The following PTPRU variants were observed in gnomAD, a reference collection of about 807,000 sequenced individuals.
PTPRU encodes the protein receptor-type tyrosine-protein phosphatase U.
PTPRU carries 69 observed loss-of-function variants against 166.3 expected under a neutral mutation model. The ratio of observed to expected loss-of-function variants is 0.41; its 90% CI spans 0.34 to 0.51. The LOEUF (loss-of-function observed/expected upper bound fraction) is 0.51, where lower values mean the gene tolerates loss of function less well. PTPRU is among the 20% of genes least tolerant of loss of function. PTPRU has a pLI of 0.09. For synonymous variants in PTPRU, 793 were observed against 814.0 expected (o/e 0.97, Z 0.44); for missense variants, 1,657 against 2,013.7 (o/e 0.82, Z 3.39).
chr1:29,271,110 C>T lies in PTPRU; in HGVS notation c.1145-4338C>T, dbSNP rs768153703. On this transcript the variant is annotated intron_variant, in intron 7 of 29. Coordinates refer to ENST00000373779, the MANE Select transcript of PTPRU (RefSeq NM_133178.4). This position sits in a 1 kb window ranked among gnomAD's most constrained non-coding sequence, Gnocchi z 4.4. ...TCTTGTTTAGCCTTACTAAAGTCAA[C>T]ACATGGTGGCCTAATTCAACAGCTG... 6.6e-6 allele frequency among the ~76,000 whole-genome samples: 1 copy of T among 152,232 alleles called. No homozygotes were observed. The highest frequency in any genetic ancestry group is 1.5e-5 in the Non-Finnish European group (1 of 68,044).
chr1:29,259,600 T>TTGTTTGGGGGGGGGGGGGGGGGG, intron 5 of PTPRU, 36 bp downstream of exon 5: 1 of 253,696 alleles, frequency 3.9e-6, no homozygotes, highest in Non-Finnish European at 7.7e-6. Flanking sequence ...GGGGGCGGGG[T>TTGTTTGGGGGGGGGGGGGGGGGG]GGGAGGGGGT....
Position 29,316,137 on chromosome 1 carries a change from C to T in PTPRU, c.3499C>T (p.Arg1167Trp), listed in dbSNP as rs761647543. Residue 1167 changes from arginine to tryptophan, a missense_variant, in exon 24 of 30, where the codon CGG (arginine) becomes TGG (tryptophan). Around this residue, in one of 3 missense-constraint regions of PTPRU, gnomAD observed 1,190 missense variants for 1,477.4 expected, o/e 0.81. Transcript: ENST00000373779. ...TCCTCAGAGTAATTCCTCCCAGCTG[C>T]GGGAAGAGTTCCAGGTGGGGGATGA... ...IDPQSNSSQL[R>W]EEFQTLNSVT... 4.3e-6 allele frequency: 7 copies of T among 1,613,984 alleles called. No homozygotes were observed. The highest frequency in any genetic ancestry group is 1.7e-4 in the Middle Eastern group (1 of 6,030).
chr1:29,316,572 G>C (rs537407793), intron 24 of PTPRU, among the ~76,000 whole-genome samples: 10 of 152,320 alleles, frequency 6.6e-5, no homozygotes, highest in Admixed American at 2.6e-4. Context: ...GGATCGTGCA[G>C]CTTCAGTTGT....
In PTPRU at chr1:29,280,988, G is replaced by C. The variant is rs1026011311; in HGVS notation, c.1868+847G>C. On this transcript the variant is annotated intron_variant, in intron 11 of 29. Transcript: ENST00000373779. The surrounding 1 kb of genome is among the most constrained non-coding windows in gnomAD (Gnocchi z 4.2). ...ACACAGCTAGTAAGTGGTGGAGCTG[G>C]GATTTGGAAGCCAGGTCTATCTGCT... 3.3e-5 allele frequency among the ~76,000 whole-genome samples: 5 copies of C among 152,162 alleles called. No individual in the cohort carries two copies. In the East Asian group the frequency reaches 9.6e-4, roughly 29 times the overall value.
At chr1:29,258,465 AG>A in intron 2 of PTPRU, 39 bp from the exon 3 acceptor site, 9 of 1,593,056 alleles carry the variant, frequency 5.6e-6, no homozygotes, top group Non-Finnish European at 6.8e-6. Context: ...CCCTCCCCTG[AG>A]GTCTCCTCAT....
chr1:29,295,355 GTTATAAATT>G (rs1686835346), intron 15 of PTPRU, among the ~76,000 whole-genome samples: 1 of 152,010 alleles, frequency 6.6e-6, no homozygotes, highest in African/African-American at 2.4e-5. Flanking sequence ...AATTCTCTTT[GTTATAAATT>G]TTAGAGTCAT....
chr1:29,322,150 C>A (rs1248587100), intron 26 of PTPRU, among the ~76,000 whole-genome samples: 2 of 152,256 alleles, frequency 1.3e-5, no homozygotes, highest in Non-Finnish European at 2.9e-5. Flanking sequence ...CCTGGTGCAG[C>A]AGGAACCATC....
intron 17 of PTPRU, among the ~76,000 whole-genome samples, chr1:29,305,105 A>AG (rs1372701425): frequency 6.6e-6 from 1 of 152,206 alleles, no homozygotes; most frequent in African/African-American, 2.4e-5. Flanking sequence ...TTCCTGCTTA[A>AG]GGTCTCAGAG....
Position 29,317,914 on chromosome 1 carries a change from T to G in PTPRU, c.3680T>G (p.Leu1227Arg). 6.2e-7 allele frequency: 1 copy of G among 1,613,830 alleles called. No individual in the cohort carries two copies. The highest frequency in any genetic ancestry group is 1.1e-5 in the South Asian group (1 of 91,076). The change falls in exon 25 of 30, where the codon CTG becomes CGG. Residue 1227 changes from leucine (L) to arginine (R), a missense_variant. Leu to Arg is a moderately radical substitution (Grantham distance 102, BLOSUM62 -2). Coordinates refer to ENST00000373779, the MANE Select transcript of PTPRU (RefSeq NM_133178.4). The surrounding 1 kb of genome is among the most constrained non-coding windows in gnomAD (Gnocchi z 5.6). The part of the protein sequence containing the change: ...GDSNNYINAA[L>R]TDSYTRSAAF... The stretch of plus-strand genomic sequence containing the variant: ...TCCAACAACTACATTAATGCAGCCC[T>G]GACTGACGTGAGAGCTTGGGGTGGA...
At chr1:29,247,931 T>C (rs938743105) in intron 1 of PTPRU, among the ~76,000 whole-genome samples, 5 of 152,220 alleles carry the variant, frequency 3.3e-5, no homozygotes, top group African/African-American at 4.8e-5. Flanking sequence ...GTTGCAGCTA[T>C]GGTGACTCCT....
chr1:29,308,705 A>AT (rs1173641151), intron 18 of PTPRU, among the ~76,000 whole-genome samples: 1 of 151,408 alleles, frequency 6.6e-6, no homozygotes, highest in African/African-American at 2.4e-5. Context: ...TGCTTTTTCC[A>AT]TTTTGTCTCC....
chr1:29,253,790 T>C (rs1684655429), intron 1 of PTPRU, among the ~76,000 whole-genome samples: 1 of 152,004 alleles, frequency 6.6e-6, no homozygotes, highest in African/African-American at 2.4e-5. Context: ...CTGACCCACA[T>C]GGATTCAAAT....
At chr1:29,323,127 C>T in intron 26 of PTPRU, 1 of 500,494 alleles carries the variant, frequency 2.0e-6, no homozygotes, top group Admixed American at 3.3e-5. Flanking sequence ...GTGCAGTTTG[C>T]AAAGGGTTCA....
At chr1:29,258,269 A>C (rs1314459717) in intron 2 of PTPRU, among the ~76,000 whole-genome samples, 1 of 152,130 alleles carries the variant, frequency 6.6e-6, no homozygotes, top group South Asian at 2.1e-4. Context: ...CCAGCCTTTA[A>C]ATGGTTTTGA....
At chr1:29,284,077 A>G (rs1686228464) in intron 13 of PTPRU, 101 bp downstream of exon 13, 1 of 1,483,728 alleles carries the variant, frequency 6.7e-7, no homozygotes, top group African/African-American at 1.4e-5. Context: ...GGAGTAGAGG[A>G]GGGTGGTTGG....
rs1482194466 is a variant in PTPRU at position 29,238,068 on chromosome 1, G to A, written c.73+1351G>A. 2.0e-5 allele frequency among the ~76,000 whole-genome samples: 3 copies of A among 151,764 alleles called. No homozygotes were observed. The highest frequency in any genetic ancestry group is 2.1e-4 in the South Asian group (1 of 4,822). On this transcript the variant is annotated intron_variant, in intron 1 of 29. Transcript: ENST00000373779. The surrounding 1 kb of genome is among the most constrained non-coding windows in gnomAD (Gnocchi z 6.1). The stretch of plus-strand genomic sequence containing the variant: ...GGCCGGCCGGGACCGCCAGGTGTGT[G>A]CTTGAGTGTGAGCGTGAGTGTGAGC...
intron 7 of PTPRU, among the ~76,000 whole-genome samples, chr1:29,270,619 G>A (rs1685519180): frequency 6.6e-6 from 1 of 152,140 alleles, no homozygotes; most frequent in Non-Finnish European, 1.5e-5. Context: ...ATTTTTTAGT[G>A]GAGGAACCTG....
At position 29,263,458 on chromosome 1, in the gene PTPRU, A is replaced by G. The variant is rs142566405; in HGVS notation, c.1144+2555A>G. 8.2e-3 allele frequency among the ~76,000 whole-genome samples: 1,253 copies of G among 152,350 alleles called. 18 individuals are homozygous for G. Among genetic ancestry groups the G allele is most frequent in the African/African-American group, 0.029 (1,192 of 41,572 alleles). ...TTTACACTTTTCAGCTATTATGAAC[A>G]GTATTGCTATATTTGTGTACAGGTT... is the stretch of plus-strand genomic sequence containing the variant. On this transcript the variant is annotated intron_variant, in intron 7 of 29. Transcript: ENST00000373779.
At position 29,315,295 on chromosome 1, in the gene PTPRU, C is replaced by A. The variant is rs1687848155; in HGVS notation, c.3228-77C>A. On this transcript the variant is annotated intron_variant, in intron 22 of 29. Transcript: ENST00000373779. The surrounding 1 kb of genome is among the most constrained non-coding windows in gnomAD (Gnocchi z 4.5). Reference sequence around the variant, plus strand: ...CTGTATGGTGTAGACATGGCCAGTGCCCTCCTCTCTTCTTCTCCTTAGTCC... The same window carrying A: ...CTGTATGGTGTAGACATGGCCAGTGACCTCCTCTCTTCTTCTCCTTAGTCC... The A allele has an allele frequency of 5.3e-6, 8 of 1,510,410 alleles. No homozygotes were observed. The Admixed American group carries it at 8.4e-5, about 16-fold the overall frequency. The allele number at this position is 1,510,410 out of a possible 1,614,324, so 93.6% of individuals were successfully genotyped here.
Sources: gnomAD v4.1 joint callset for allele counts (sites outside exome capture counted in the v4.1 genomes callset) on GRCh38, gnomAD v4.1.1 for gene constraint, gnomAD v4.1.1 regional missense constraint, Gnocchi (gnomAD v3.1) non-coding constraint, MANE v1.5 for transcripts, NCBI Gene and HGNC (gene_info 2026-07-23, HGNC 2026-07-21) for gene names.